PPM1E: variants seen among roughly 807,000 people sequenced by gnomAD.
PPM1E encodes protein phosphatase 1E.
Under a neutral mutation model 65.9 loss-of-function variants are expected in PPM1E, and 20 were observed. The ratio of observed to expected loss-of-function variants is 0.30; its 90% CI spans 0.21 to 0.44. The LOEUF is 0.44. Ranked by LOEUF, PPM1E falls within the 20% of genes least tolerant of loss-of-function variation. The probability of loss-of-function intolerance (pLI) is 1.00; values close to 1 mark genes in which losing one functional copy is unlikely to be tolerated. For missense variants in PPM1E, 713 were observed against 953.1 expected (o/e 0.75, Z 3.32); for synonymous variants, 352 against 374.9 (o/e 0.94, Z 0.70).
At chr17:58,961,186 A>G (rs2030020411) in intron 2 of PPM1E, among the ~76,000 whole-genome samples, 1 of 152,256 alleles carries the variant, frequency 6.6e-6, no homozygotes, top group Non-Finnish European at 1.5e-5. Context: ...TTATAGAAAT[A>G]GATGCTGAGA....
intron 1 of PPM1E, among the ~76,000 whole-genome samples, chr17:58,944,178 T>C (rs2052112323): frequency 6.6e-6 from 1 of 152,126 alleles, no homozygotes; most frequent in Admixed American, 6.6e-5. Flanking sequence ...TAACCCATTC[T>C]AGCCTGATTT....
At chr17:58,758,493 A>G (rs928262007) in intron 1 of PPM1E, among the ~76,000 whole-genome samples, 3 of 150,894 alleles carry the variant, frequency 2.0e-5, no homozygotes, top group Admixed American at 6.7e-5. Context: ...GTGCCAGTGC[A>G]CTCCAGCCTG....
chr17:58,796,669 A>T (rs2050209554), intron 1 of PPM1E, among the ~76,000 whole-genome samples: 1 of 152,234 alleles, frequency 6.6e-6, no homozygotes, highest in Non-Finnish European at 1.5e-5. Context: ...TTTGAGGCAT[A>T]TGGAAAAATT....
intron 1 of PPM1E, among the ~76,000 whole-genome samples, chr17:58,954,418 T>A (rs2052284763): frequency 6.6e-6 from 1 of 152,206 alleles, no homozygotes; most frequent in South Asian, 2.1e-4. Context: ...TGTGAATTCT[T>A]ATTACCCTTT....
chr17:58,882,909 A>G (rs1416990790), intron 1 of PPM1E, among the ~76,000 whole-genome samples: 1 of 150,038 alleles, frequency 6.7e-6, no homozygotes, highest in Non-Finnish European at 1.5e-5. Context: ...GATTTCCTCA[A>G]CTTTGTCCTT....
chr17:58,779,027 G>A (rs1395316354), intron 1 of PPM1E, among the ~76,000 whole-genome samples: 1 of 143,950 alleles, frequency 6.9e-6, no homozygotes, highest in African/African-American at 2.6e-5. Context: ...ATCATTAAAC[G>A]TTCCTTGAAA....
intron 1 of PPM1E, among the ~76,000 whole-genome samples, chr17:58,835,009 A>G (rs1191252814): frequency 1.3e-5 from 2 of 152,148 alleles, no homozygotes; most frequent in Non-Finnish European, 2.9e-5. Flanking sequence ...CTCCGAATCC[A>G]TGAGAATGCC....
intron 1 of PPM1E, among the ~76,000 whole-genome samples, chr17:58,775,687 G>A (rs1439143235): frequency 6.6e-6 from 1 of 151,640 alleles, no homozygotes; most frequent in African/African-American, 2.4e-5. Flanking sequence ...GGCCGAGGCG[G>A]GTGGATCATG....
At position 58,788,506 on chromosome 17, in the gene PPM1E, A is replaced by C. The variant is rs575344377; in HGVS notation, c.464+32045A>C. ...GTGAGGGAAGAAGGTACATTTACTT[A>C]GCAGAAGCCATCCATTTTATGAAAT... On this transcript the variant is annotated intron_variant, in intron 1 of 6. Transcript: ENST00000308249. 2.0e-5 allele frequency among the ~76,000 whole-genome samples: 3 copies of C among 152,322 alleles called. No homozygotes were observed. The South Asian group carries it at 6.2e-4, about 32-fold the overall frequency.
At chr17:58,820,731 G>A (rs2050471386) in intron 1 of PPM1E, among the ~76,000 whole-genome samples, 1 of 152,076 alleles carries the variant, frequency 6.6e-6, no homozygotes, top group African/African-American at 2.4e-5. Context: ...CAAAATTATT[G>A]TCCATGTGCT....
intron 2 of PPM1E, among the ~76,000 whole-genome samples, chr17:58,961,767 A>G (rs2030037854): frequency 6.6e-6 from 1 of 152,214 alleles, no homozygotes; most frequent in African/African-American, 2.4e-5. Flanking sequence ...AAATAGAGCT[A>G]ATGTGACCGA....
chr17:58,829,205 GC>G (rs1478513551), intron 1 of PPM1E, among the ~76,000 whole-genome samples: 1 of 151,850 alleles, frequency 6.6e-6, no homozygotes, highest in Non-Finnish European at 1.5e-5. Context: ...ACCATGCCTG[GC>G]TAATTTTGTA....
intron 1 of PPM1E, among the ~76,000 whole-genome samples, chr17:58,865,108 G>A (rs987519399): frequency 3.9e-5 from 6 of 152,040 alleles, no homozygotes; most frequent in African/African-American, 1.4e-4. Context: ...TGCAATCCTG[G>A]GCCAGGTGCC....
At chr17:58,757,131 T>C (rs1214672148) in intron 1 of PPM1E, among the ~76,000 whole-genome samples, 2 of 152,114 alleles carry the variant, frequency 1.3e-5, no homozygotes, top group Non-Finnish European at 2.9e-5. Context: ...CATTCCATAA[T>C]TGAGGGAAGT....
intron 1 of PPM1E, among the ~76,000 whole-genome samples, chr17:58,813,136 C>T (rs1598586801): frequency 1.3e-5 from 2 of 152,202 alleles, no homozygotes; most frequent in East Asian, 3.9e-4. Context: ...TTTATTCTTT[C>T]TCCCCTAAAG....
intron 1 of PPM1E, among the ~76,000 whole-genome samples, chr17:58,907,399 A>G (rs370571281): frequency 6.6e-6 from 1 of 151,584 alleles, no homozygotes; most frequent in African/African-American, 2.4e-5. Flanking sequence ...TGCATGTTTT[A>G]TGGCCCAGAA....
intron 1 of PPM1E, among the ~76,000 whole-genome samples, chr17:58,889,503 G>A (rs1015940739): frequency 7.2e-5 from 11 of 152,168 alleles, no homozygotes; most frequent in African/African-American, 2.7e-4. Flanking sequence ...GGAGGGTGAG[G>A]CAGGAGAATC....
At chr17:58,792,028 T>A (rs1015591208) in intron 1 of PPM1E, among the ~76,000 whole-genome samples, 35 of 152,078 alleles carry the variant, frequency 2.3e-4, no homozygotes, top group African/African-American at 8.4e-4. Flanking sequence ...CATCTTTGTG[T>A]CTTTCTTATT....
intron 3 of PPM1E, chr17:58,966,575 T>C: frequency 5.7e-6 from 1 of 174,004 alleles, no homozygotes; most frequent in Non-Finnish European, 1.2e-5. Flanking sequence ...TTTTAAAATC[T>C]TGGTCTCTGA....
Sources: gnomAD v4.1 joint callset for allele counts (sites outside exome capture counted in the v4.1 genomes callset) on GRCh38, gnomAD v4.1.1 for gene constraint, MANE v1.5 for transcripts, NCBI Gene and HGNC (gene_info 2026-07-23, HGNC 2026-07-21) for gene names.